Variants in GHR observed in about 807,000 individuals in gnomAD.
The protein encoded by GHR is growth hormone receptor.
Under a neutral mutation model 67.1 loss-of-function variants are expected in GHR, and 35 were observed. The ratio of observed to expected loss-of-function variants is 0.52; its 90% confidence interval spans 0.40 to 0.69. GHR has a LOEUF of 0.69. GHR is among the 30% of genes least tolerant of loss of function. The pLI, the probability that GHR is intolerant of heterozygous loss-of-function variation, is 0.00. For synonymous variants in GHR, 272 were observed against 269.1 expected (o/e 1.01, Z -0.10); for missense variants, 792 against 764.6 (o/e 1.04, Z -0.42).
At chr5:42,438,382 C>T (rs1367392873) in intron 1 of GHR, among the ~76,000 whole-genome samples, 1 of 152,122 alleles carries the variant, frequency 6.6e-6, no homozygotes, top group Non-Finnish European at 1.5e-5. Context: ...TGAAATTCCT[C>T]CCTCCAAGAA....
At chr5:42,680,803 C>A (rs1280384537) in intron 3 of GHR, among the ~76,000 whole-genome samples, 5 of 151,908 alleles carry the variant, frequency 3.3e-5, no homozygotes, top group African/African-American at 1.2e-4. Flanking sequence ...CTGCTCCCAG[C>A]CCCAAACATG....
chr5:42,565,830 GC>G (rs1749893009), intron 1 of GHR, 33 bp from the exon 2 acceptor site: 4 of 1,613,684 alleles, frequency 2.5e-6, no homozygotes. Flanking sequence ...GCTTTTAATT[GC>G]TGGGCTTTAC....
intron 1 of GHR, among the ~76,000 whole-genome samples, chr5:42,482,610 G>A (rs373322302): frequency 8.4e-4 from 128 of 152,104 alleles, no homozygotes; most frequent in African/African-American, 2.4e-3. Context: ...CCTCGCTGCC[G>A]CCTTGCAGTT....
At chr5:42,466,060 T>A (rs531837332) in intron 1 of GHR, 20 of 400,526 alleles carry the variant, frequency 5.0e-5, no homozygotes, top group Non-Finnish European at 8.7e-5. Flanking sequence ...TTGATTCCTC[T>A]ATCCAGGAAG....
intron 2 of GHR, among the ~76,000 whole-genome samples, chr5:42,586,243 C>T (rs548373419): frequency 4.6e-5 from 7 of 152,198 alleles, no homozygotes; most frequent in African/African-American, 1.4e-4. Flanking sequence ...ATCCCTGACT[C>T]CTATTTTTCT....
intron 1 of GHR, among the ~76,000 whole-genome samples, chr5:42,560,477 C>A (rs943970187): frequency 3.3e-5 from 5 of 152,172 alleles, no homozygotes; most frequent in Admixed American, 3.3e-4. Context: ...CAGGTGTAAG[C>A]CACCACGCCT....
At chr5:42,459,787 G>A (rs572613742) in intron 1 of GHR, among the ~76,000 whole-genome samples, 1 of 152,134 alleles carries the variant, frequency 6.6e-6, no homozygotes, top group Non-Finnish European at 1.5e-5. Context: ...GTCCTAATCC[G>A]CTAGTGATGA....
chr5:42,653,910 T>A (rs866236288), intron 3 of GHR, among the ~76,000 whole-genome samples: 1 of 152,264 alleles, frequency 6.6e-6, no homozygotes, highest in East Asian at 1.9e-4. Context: ...GGGTATGAGG[T>A]CATAAGTTTA....
At chr5:42,658,096 TA>T (rs1017156299) in intron 3 of GHR, among the ~76,000 whole-genome samples, 1 of 152,012 alleles carries the variant, frequency 6.6e-6, no homozygotes, top group Non-Finnish European at 1.5e-5. Context: ...TAAATTAGGG[TA>T]AAAGAGGAAG....
At chr5:42,599,701 TA>T (rs1366720469) in intron 2 of GHR, among the ~76,000 whole-genome samples, 2 of 152,272 alleles carry the variant, frequency 1.3e-5, no homozygotes, top group South Asian at 2.1e-4. Flanking sequence ...TGGTTATTTT[TA>T]AAAATTTGAA....
intron 4 of GHR, among the ~76,000 whole-genome samples, chr5:42,689,416 G>A (rs577101470): frequency 6.6e-5 from 10 of 152,202 alleles, no homozygotes; most frequent in Non-Finnish European, 1.2e-4. Flanking sequence ...CAAAGTGTGA[G>A]TGAGAGCATG....
At chr5:42,697,555 C>T (rs371635535) in intron 5 of GHR, among the ~76,000 whole-genome samples, 7 of 151,852 alleles carry the variant, frequency 4.6e-5, no homozygotes, top group East Asian at 1.9e-4. Flanking sequence ...CAAGGGGGCA[C>T]GCCAGAAGAA....
In GHR at chr5:42,472,065, A is replaced by C. The variant is rs150611813; in HGVS notation, c.-12+48110A>C. 1.3e-3 allele frequency among the ~76,000 whole-genome samples: 201 copies of C among 152,366 alleles called. 2 individuals are homozygous for C. Among genetic ancestry groups the C allele is most frequent in the Admixed American group, 9.2e-3 (140 of 15,300 alleles). Reference sequence around the variant, plus strand: ...TTAAAATGCAAAAGAACATTCACTTAGGCTGGGATAAACAAGAGGTCTTTT... The same window carrying C: ...TTAAAATGCAAAAGAACATTCACTTCGGCTGGGATAAACAAGAGGTCTTTT... On this transcript the variant is annotated intron_variant, in intron 1 of 9. Transcript: ENST00000230882.
rs933355797 is a variant in GHR, at chr5:42,600,918, C to CTTTTTTTTTTTTT, written c.71-28107_71-28095dup. 3.6e-4 allele frequency among the ~76,000 whole-genome samples: 24 copies of CTTTTTTTTTTTTT among 66,692 alleles called. 1 individual carries two copies. The highest frequency in any genetic ancestry group is 1.4e-3 in the East Asian group (3 of 2,126). The allele number at this position is 66,692 out of a possible 152,430, so 43.8% of individuals were successfully genotyped here. A position where few individuals can be genotyped will look rare whatever the true frequency, so the allele number is the denominator to read the frequency against. On this transcript the variant is annotated intron_variant, in intron 2 of 9. Transcript: ENST00000230882. The stretch of plus-strand genomic sequence containing the variant: ...GAAATTAAAATCTATTCTTTCTATT[C>CTTTTTTTTTTTTT]TTTTTTTTTTTTTTTTTTTTTTTTT...
intron 3 of GHR, among the ~76,000 whole-genome samples, chr5:42,631,627 CAT>C (rs1188929866): frequency 2.6e-5 from 4 of 152,174 alleles, no homozygotes; most frequent in African/African-American, 9.7e-5. Context: ...AAGGAGCTCA[CAT>C]TCTCCCTAAA....
At chr5:42,531,077 C>T (rs573758504) in intron 1 of GHR, among the ~76,000 whole-genome samples, 3 of 152,108 alleles carry the variant, frequency 2.0e-5, no homozygotes, top group South Asian at 2.1e-4. Flanking sequence ...AGACTAGCCT[C>T]GCCAAAACAG....
intron 2 of GHR, among the ~76,000 whole-genome samples, chr5:42,600,767 A>G (rs1752332465): frequency 6.6e-6 from 1 of 152,174 alleles, no homozygotes; most frequent in African/African-American, 2.4e-5. Context: ...CCTAGCCTAA[A>G]GAGAGGAGTT....
chr5:42,595,210 A>G (rs1752001495), intron 2 of GHR, among the ~76,000 whole-genome samples: 1 of 152,204 alleles, frequency 6.6e-6, no homozygotes, highest in Non-Finnish European at 1.5e-5. Flanking sequence ...TTTACACTTT[A>G]TAAGAAGCAG....
chr5:42,438,085 G>T (rs1176436803), intron 1 of GHR, among the ~76,000 whole-genome samples: 2 of 152,096 alleles, frequency 1.3e-5, no homozygotes, highest in African/African-American at 4.8e-5. Flanking sequence ...TCTACTTGTG[G>T]ACACTCAATT....
Sources: gnomAD v4.1 joint callset for allele counts (sites outside exome capture counted in the v4.1 genomes callset) on GRCh38, gnomAD v4.1.1 for gene constraint, MANE v1.5 for transcripts, NCBI Gene and HGNC (gene_info 2026-07-23, HGNC 2026-07-21) for gene names.